The following CEP89 variants were observed in gnomAD, a reference collection of about 807,000 sequenced individuals.
CEP89 encodes the protein centrosomal protein of 89 kDa.
Under a neutral mutation model 97.6 loss-of-function variants are expected in CEP89, and 95 were observed. The ratio of observed to expected loss-of-function variants is 0.97; its 90% CI spans 0.82 to 1.15. The LOEUF is 1.15. Ranked by LOEUF, CEP89 falls within the 50% of genes most tolerant of loss-of-function variation. The pLI is 0.00. For missense variants in CEP89, 869 were observed against 947.7 expected (o/e 0.92, Z 1.09); for synonymous variants, 354 against 349.1 (o/e 1.01, Z -0.16).
intron 16 of CEP89, among the ~76,000 whole-genome samples, chr19:32,897,395 G>A (rs1022072679): frequency 2.0e-5 from 3 of 152,184 alleles, no homozygotes; most frequent in Non-Finnish European, 4.4e-5. Context: ...TTTATAGATA[G>A]ATGAGTGACT....
At chr19:32,929,406 A>G (rs2145925780) in intron 9 of CEP89, among the ~76,000 whole-genome samples, 1 of 152,216 alleles carries the variant, frequency 6.6e-6, no homozygotes, top group East Asian at 1.9e-4. Flanking sequence ...GTTTGAGACC[A>G]ACCTGGCCAA....
intron 14 of CEP89, among the ~76,000 whole-genome samples, chr19:32,903,746 G>A (rs1211817293): frequency 2.0e-5 from 3 of 152,198 alleles, no homozygotes; most frequent in Non-Finnish European, 4.4e-5. Flanking sequence ...AGCAGTCCAG[G>A]AGAGGTGAGA....
intron 17 of CEP89, 91 bp from the exon 18 acceptor site, chr19:32,882,104 G>T: frequency 9.1e-7 from 1 of 1,096,972 alleles, no homozygotes; most frequent in Non-Finnish European, 1.3e-6. Flanking sequence ...CACTCCTTGT[G>T]TGTCAGAGCC....
In CEP89 at chr19:32,936,146, G is replaced by A. The variant is rs1568569377; in HGVS notation, c.667+1485C>T. Reference sequence around the variant, plus strand: ...TATGGGTGTTTGCTCTAGCTGCCTGGTCTCTCCCTGCTCCTGGTGCCTGCT... The same window carrying A: ...TATGGGTGTTTGCTCTAGCTGCCTGATCTCTCCCTGCTCCTGGTGCCTGCT... On this transcript the variant is annotated intron_variant, in intron 7 of 18. Coordinates refer to ENST00000305768, the MANE Select transcript of CEP89 (RefSeq NM_032816.5). The surrounding 1 kb of genome is among the most constrained non-coding windows in gnomAD (Gnocchi z 4.5). Among the ~76,000 whole-genome samples the A allele has an allele frequency of 6.6e-6, 1 of 152,124 alleles. No individual in the cohort carries two copies. The highest frequency in any genetic ancestry group is 1.5e-5 in the Non-Finnish European group (1 of 68,008).
rs772026609 is a variant in CEP89 at position 32,931,488 on chromosome 19, G to A, written c.970C>T (p.Arg324Cys). Residue 324 changes from arginine (R) to cysteine (C), a missense_variant, in exon 9 of 19, where the codon CGT becomes TGT. By Grantham distance (180) the Arg-to-Cys change is radical. Transcript: ENST00000305768. ...ENDGLKMTVH[R>C]LNVELSRYQT... ...TATCGACTGAGTTCTACATTCAAACGATGGACAGTCATTTTCAATCCATCA... is the reference window on the plus strand; with the variant it reads ...TATCGACTGAGTTCTACATTCAAACAATGGACAGTCATTTTCAATCCATCA... 3.6e-5 allele frequency: 58 copies of A among 1,594,572 alleles called. No individual in the cohort carries two copies. Among genetic ancestry groups the A allele is most frequent in the Non-Finnish European group, 4.6e-5 (54 of 1,175,442 alleles).
intron 4 of CEP89, among the ~76,000 whole-genome samples, chr19:32,951,023 G>A (rs542246619): frequency 3.3e-5 from 5 of 152,182 alleles, no homozygotes; most frequent in Non-Finnish European, 5.9e-5. Context: ...TGACTAAGAA[G>A]AAGGGTGATT....
intron 18 of CEP89, among the ~76,000 whole-genome samples, chr19:32,880,436 C>T (rs1398248897): frequency 6.6e-6 from 1 of 152,004 alleles, no homozygotes; most frequent in Non-Finnish European, 1.5e-5. Context: ...TCTAAAAAAG[C>T]CCCAGCCTGG....
At chr19:32,904,226 G>C (rs900076943) in intron 14 of CEP89, among the ~76,000 whole-genome samples, 1 of 152,204 alleles carries the variant, frequency 6.6e-6, no homozygotes, top group Non-Finnish European at 1.5e-5. Flanking sequence ...CTGAAAAACA[G>C]TGACAATGAA....
chr19:32,947,122 AG>A (rs1176095197), intron 5 of CEP89, among the ~76,000 whole-genome samples: 1 of 152,158 alleles, frequency 6.6e-6, no homozygotes, highest in Non-Finnish European at 1.5e-5. Context: ...GAGCAACTCT[AG>A]GGCTGCTGAT....
At chr19:32,937,792 G>A in intron 6 of CEP89, 119 bp from the exon 7 acceptor site, 1 of 745,728 alleles carries the variant, frequency 1.3e-6, no homozygotes, top group Non-Finnish European at 2.3e-6. Context: ...CCTTCATTTT[G>A]ACTCTTGTTC....
In CEP89 at chr19:32,898,620, A is replaced by G. The variant is rs370179489; in HGVS notation, c.1875+1237T>C. 2.8e-3 allele frequency among the ~76,000 whole-genome samples: 420 copies of G among 152,174 alleles called. 2 individuals are homozygous for G. The highest frequency in any genetic ancestry group is 9.6e-3 in the African/African-American group (400 of 41,512). On this transcript the variant is annotated intron_variant, in intron 16 of 18. Transcript: ENST00000305768. ...TGCTCAGCTGGGTGTGGTGGCTCACACCTGTAATCCCAGCACTCTGGGAGG... is the reference window on the plus strand; with the variant it reads ...TGCTCAGCTGGGTGTGGTGGCTCACGCCTGTAATCCCAGCACTCTGGGAGG...
At position 32,879,365 on chromosome 19, in the gene CEP89, C is replaced by T; in HGVS notation, c.2149G>A (p.Glu717Lys). The change falls in exon 19 of 19, where the codon GAA becomes AAA. Residue 717 changes from glutamate (E) to lysine (K), a missense_variant. Physicochemically the swap from Glu to Lys is moderately conservative, Grantham distance 56. Transcript: ENST00000305768. ...GTAGATTCCCAAATAACTTCAAGTT[C>T]ACCTTCCATTTCTCTGAGGGAAATA... ...ALQQNREMEG[E>K]LEVIWESTFR... 6.2e-7 allele frequency: 1 copy of T among 1,613,834 alleles called. No individual in the cohort carries two copies. Among genetic ancestry groups the T allele is most frequent in the Non-Finnish European group, 8.5e-7 (1 of 1,179,698 alleles).
chr19:32,915,597 A>C, intron 13 of CEP89, 80 bp from the exon 14 acceptor site: 1 of 1,230,190 alleles, frequency 8.1e-7, no homozygotes, highest in Non-Finnish European at 1.2e-6. Flanking sequence ...GGAAATACTA[A>C]TGAGAGTCAG....
intron 18 of CEP89, among the ~76,000 whole-genome samples, chr19:32,879,950 T>C (rs1027229740): frequency 6.6e-6 from 1 of 152,148 alleles, no homozygotes; most frequent in Non-Finnish European, 1.5e-5. Context: ...ATAAGACTCA[T>C]TGCCAAGATG....
intron 8 of CEP89, among the ~76,000 whole-genome samples, chr19:32,932,704 C>T (rs1182745113): frequency 1.3e-5 from 2 of 151,774 alleles, no homozygotes; most frequent in African/African-American, 4.8e-5. Context: ...CTTTAAGTGG[C>T]CAAGGAGGAA....
intron 1 of CEP89, among the ~76,000 whole-genome samples, chr19:32,968,570 G>A (rs1971332982): frequency 6.6e-6 from 1 of 152,080 alleles, no homozygotes; most frequent in Non-Finnish European, 1.5e-5. Context: ...CTTAACCTTT[G>A]AATCCCAAGG....
At chr19:32,922,585 C>T (rs1013605307) in intron 12 of CEP89, among the ~76,000 whole-genome samples, 2 of 149,798 alleles carry the variant, frequency 1.3e-5, no homozygotes, top group African/African-American at 2.5e-5. Flanking sequence ...CAGTGGCTCA[C>T]GCCTATAATC....
chr19:32,915,228 A>C, intron 14 of CEP89, 109 bp downstream of exon 14: 1 of 969,208 alleles, frequency 1.0e-6, no homozygotes, highest in Non-Finnish European at 1.5e-6. Context: ...AGAGGCTGGG[A>C]TGGGCAGATC....
At chr19:32,925,292 C>A (rs191258522) in intron 11 of CEP89, among the ~76,000 whole-genome samples, 35 of 152,242 alleles carry the variant, frequency 2.3e-4, no homozygotes, top group Middle Eastern at 3.4e-3. Context: ...GAAGTTAGAA[C>A]GAGCTCCGCT....
Sources: gnomAD v4.1 joint callset for allele counts (sites outside exome capture counted in the v4.1 genomes callset) on GRCh38, gnomAD v4.1.1 for gene constraint, Gnocchi (gnomAD v3.1) non-coding constraint, MANE v1.5 for transcripts, NCBI Gene and HGNC (gene_info 2026-07-23, HGNC 2026-07-21) for gene names.